TMOD2: variants seen among roughly 807,000 people sequenced by gnomAD.
TMOD2 encodes tropomodulin 2.
A neutral mutation model predicts 39.9 loss-of-function variants in TMOD2; 22 were observed. That is an observed-to-expected ratio of 0.55 (90% CI 0.39 to 0.79). TMOD2 has a LOEUF of 0.79. TMOD2 is among the 30% of genes least tolerant of loss of function. The pLI is 0.00. For synonymous variants in TMOD2, 123 were observed against 146.1 expected (o/e 0.84, Z 1.14); for missense variants, 386 against 413.3 (o/e 0.93, Z 0.57).
intron 1 of TMOD2, among the ~76,000 whole-genome samples, chr15:51,762,523 G>A (rs755975845): frequency 6.6e-6 from 1 of 152,104 alleles, no homozygotes; most frequent in Non-Finnish European, 1.5e-5. Context: ...TAGGTTTTTT[G>A]AAATCTTTTT....
intron 7 of TMOD2, among the ~76,000 whole-genome samples, chr15:51,794,637 G>A (rs2056035653): frequency 6.6e-6 from 1 of 152,202 alleles, no homozygotes; most frequent in African/African-American, 2.4e-5. Context: ...CCATTCCACA[G>A]CCTCAGAGAT....
At chr15:51,789,885 T>C (rs192343003) in intron 7 of TMOD2, among the ~76,000 whole-genome samples, 1 of 152,342 alleles carries the variant, frequency 6.6e-6, no homozygotes, top group East Asian at 1.9e-4. Context: ...TTTATAGCAC[T>C]AAATGCTCAC....
In TMOD2 at chr15:51,813,570, A is replaced by G. The variant is rs1259774472; in HGVS notation, c.*5116A>G. On this transcript the variant is annotated 3_prime_UTR_variant, in exon 10 of 10. Coordinates refer to ENST00000249700, the MANE Select transcript of TMOD2 (RefSeq NM_014548.4). ...CCTAATCCCATCACCAACACTTAGC[A>G]GGTATATGATCATGGGCAATTCATT... is the stretch of plus-strand genomic sequence containing the variant. The G allele has an allele frequency of 6.6e-6, 1 of 152,214 alleles. No individual in the cohort carries two copies. The highest frequency in any genetic ancestry group is 1.5e-5 in the Non-Finnish European group (1 of 68,036). The allele number at this position is 152,214 out of a possible 1,614,324, so 9.4% of individuals were successfully genotyped here. A position where few individuals can be genotyped will look rare whatever the true frequency, so the allele number is the denominator to read the frequency against.
At chr15:51,794,838 T>C (rs2056036933) in intron 7 of TMOD2, among the ~76,000 whole-genome samples, 1 of 152,228 alleles carries the variant, frequency 6.6e-6, no homozygotes, top group Non-Finnish European at 1.5e-5. Flanking sequence ...TCTCTTCCAC[T>C]TCCAAATTGT....
chr15:51,759,786 A>G (rs1229013335), intron 1 of TMOD2, among the ~76,000 whole-genome samples: 1 of 152,202 alleles, frequency 6.6e-6, no homozygotes, highest in East Asian at 1.9e-4. Context: ...AAAATTTAAT[A>G]AAGAGGCTAT....
chr15:51,781,116 T>C lies in TMOD2; in HGVS notation c.566T>C (p.Leu189Pro). Residue 189 changes from leucine to proline, a missense_variant, in exon 6 of 10, where the codon CTG (leucine) becomes CCG (proline). By Grantham distance (98) the Leu-to-Pro change is moderately conservative. Coordinates refer to ENST00000249700, the MANE Select transcript of TMOD2 (RefSeq NM_014548.4). ...AATCCCACAAATGTGGAAATAAGCC[T>C]GCAGCAGATGAAAGCCAATGATCCT... is the stretch of plus-strand genomic sequence containing the variant. ...PPNPTNVEIS[L>P]QQMKANDPSL... 1 of 1,613,014 alleles carries C rather than the reference T, an allele frequency of 6.2e-7. No individual in the cohort carries two copies. Among genetic ancestry groups the C allele is most frequent in the Non-Finnish European group, 8.5e-7 (1 of 1,179,708 alleles).
In TMOD2 at chr15:51,782,770, A is replaced by G; in HGVS notation, c.674A>G (p.Asn225Ser). The change falls in exon 7 of 10, where the codon AAC (asparagine) becomes AGC (serine). Residue 225 changes from asparagine to serine, a missense_variant. Asn to Ser is a conservative substitution (Grantham distance 46). Coordinates refer to ENST00000249700, the MANE Select transcript of TMOD2 (RefSeq NM_014548.4). ...GAATTTGCAAAGGCTCTGGAGACCA[A>G]CACTCACGTGAAGAAGTTCAGCCTG... The part of the protein sequence containing the change: ...LREFAKALET[N>S]THVKKFSLAA... 6.2e-7 allele frequency: 1 copy of G among 1,614,100 alleles called. No homozygotes were observed.
At chr15:51,755,478 G>A (rs552000966) in intron 1 of TMOD2, among the ~76,000 whole-genome samples, 47 of 152,324 alleles carry the variant, frequency 3.1e-4, no homozygotes, top group African/African-American at 1.1e-3. Context: ...CCAGGACTGT[G>A]AGTGGCAGGA....
intron 7 of TMOD2, among the ~76,000 whole-genome samples, chr15:51,790,204 A>G (rs193013815): frequency 2.0e-5 from 3 of 152,226 alleles, no homozygotes; most frequent in African/African-American, 4.8e-5. Context: ...AATACAAACT[A>G]TCATCAGAGA....
intron 7 of TMOD2, among the ~76,000 whole-genome samples, chr15:51,788,277 T>C (rs2055984864): frequency 6.6e-6 from 1 of 152,112 alleles, no homozygotes; most frequent in Non-Finnish European, 1.5e-5. Flanking sequence ...ATATCAGTGA[T>C]TGAAGTTCAA....
chr15:51,784,556 A>C (rs1356513409), intron 7 of TMOD2: 1 of 152,228 alleles, frequency 6.6e-6, no homozygotes, highest in Non-Finnish European at 1.5e-5. Flanking sequence ...GCACTCATGT[A>C]AAAGAGGAAC....
chr15:51,787,273 G>A lies in TMOD2; in HGVS notation c.732+4445G>A, dbSNP rs181544996. On this transcript the variant is annotated intron_variant, in intron 7 of 9. Coordinates refer to ENST00000249700, the MANE Select transcript of TMOD2 (RefSeq NM_014548.4). ...TCCACCTGGGATGCTAGAGCTTGGC[G>A]GGGGGAGGGGCATCTGCCATTGCTG... Among the ~76,000 whole-genome samples, 78 of 152,292 alleles carry A rather than the reference G, an allele frequency of 5.1e-4. 1 individual carries two copies. Among genetic ancestry groups the A allele is most frequent in the African/African-American group, 1.6e-3 (67 of 41,560 alleles).
intron 1 of TMOD2, among the ~76,000 whole-genome samples, chr15:51,763,105 T>TA (rs2055792595): frequency 7.4e-6 from 1 of 135,418 alleles, no homozygotes; most frequent in African/African-American, 2.8e-5. Flanking sequence ...CAGCTAATTT[T>TA]TAAAAAAAAA....
chr15:51,800,719 G>C (rs539163475), intron 8 of TMOD2, among the ~76,000 whole-genome samples: 1 of 151,706 alleles, frequency 6.6e-6, no homozygotes, highest in Non-Finnish European at 1.5e-5. Flanking sequence ...TTGTTTGTTT[G>C]TTTTGAGACA....
chr15:51,777,571 G>T (rs554506893), intron 5 of TMOD2, among the ~76,000 whole-genome samples: 1 of 152,106 alleles, frequency 6.6e-6, no homozygotes, highest in Non-Finnish European at 1.5e-5. Context: ...TCCTATAGAC[G>T]TGTACAATTA....
intron 1 of TMOD2, among the ~76,000 whole-genome samples, chr15:51,757,012 G>A (rs2141611094): frequency 6.6e-6 from 1 of 152,332 alleles, no homozygotes; most frequent in African/African-American, 2.4e-5. Flanking sequence ...TGCAGATTCT[G>A]TTCTAATTTA....
intron 7 of TMOD2, among the ~76,000 whole-genome samples, chr15:51,796,327 G>T (rs1365397075): frequency 6.6e-6 from 1 of 152,142 alleles, no homozygotes; most frequent in Non-Finnish European, 1.5e-5. Context: ...CTAGAGCACA[G>T]TAGAAGCCTG....
intron 7 of TMOD2, among the ~76,000 whole-genome samples, chr15:51,787,494 G>A (rs914092283): frequency 2.6e-5 from 4 of 152,246 alleles, no homozygotes; most frequent in African/African-American, 9.6e-5. Flanking sequence ...TCTGAAGAGA[G>A]CAGTGCTTCT....
rs1004946622 is a variant in TMOD2, at chr15:51,808,619, G to T, written c.*165G>T. The stretch of plus-strand genomic sequence containing the variant: ...TTTTTAGCACTACTTATTTATCTTG[G>T]ATTTTGTAATATATGCAATTGTTTT... On this transcript the variant is annotated 3_prime_UTR_variant, in exon 10 of 10. Coordinates refer to ENST00000249700, the MANE Select transcript of TMOD2 (RefSeq NM_014548.4). 2.7e-5 allele frequency: 13 copies of T among 478,806 alleles called. No homozygotes were observed. Among genetic ancestry groups the T allele is most frequent in the Non-Finnish European group, 4.0e-5 (11 of 277,018 alleles). The allele number at this position is 478,806 out of a possible 1,614,324, so 29.7% of individuals were successfully genotyped here.
Sources: gnomAD v4.1 joint callset for allele counts (sites outside exome capture counted in the v4.1 genomes callset) on GRCh38, gnomAD v4.1.1 for gene constraint, MANE v1.5 for transcripts, NCBI Gene and HGNC (gene_info 2026-07-23, HGNC 2026-07-21) for gene names.